Variants in PDE1A observed in about 807,000 individuals in gnomAD.
PDE1A encodes the protein phosphodiesterase 1A.
Under a neutral mutation model 61.7 loss-of-function variants are expected in PDE1A, and 35 were observed. The observed-to-expected ratio is 0.57, with a 90% confidence interval of 0.43 to 0.75. The LOEUF is 0.75. Among genes scored for constraint, PDE1A ranks in the 30% least tolerant of loss-of-function variants. The pLI, the probability that PDE1A is intolerant of heterozygous loss-of-function variation, is 0.00. For synonymous variants in PDE1A, 232 were observed against 213.2 expected (o/e 1.09, Z -0.77); for missense variants, 597 against 630.6 (o/e 0.95, Z 0.57).
downstream of PDE1A, among the ~76,000 whole-genome samples, chr2:182,163,759 A>G (rs983193156): frequency 6.6e-6 from 1 of 152,150 alleles, no homozygotes; most frequent in East Asian, 1.9e-4. Flanking sequence ...GACACAAAAA[A>G]CTGCTAGTTA....
At chr2:182,151,732 G>A (rs960399277) in intron 13 of PDE1A, among the ~76,000 whole-genome samples, 3 of 151,902 alleles carry the variant, frequency 2.0e-5, no homozygotes, top group African/African-American at 7.3e-5. Flanking sequence ...TGTTCTTTTT[G>A]TATTTTTCTA....
chr2:182,201,931 T>C, intron 8 of PDE1A, 142 bp from the exon 9 acceptor site: 1 of 612,192 alleles, frequency 1.6e-6, no homozygotes, highest in Non-Finnish European at 2.9e-6. Flanking sequence ...AATGTGAAAG[T>C]CCACACACAA....
chr2:182,215,060 A>ACTAT (rs1463493919), intron 7 of PDE1A, among the ~76,000 whole-genome samples: 1 of 88,204 alleles, frequency 1.1e-5, no homozygotes, highest in Non-Finnish European at 2.3e-5. Context: ...ATGATAACAA[A>ACTAT]CTATCTCTCA....
At chr2:182,310,810 C>T (rs1346063066) in intron 1 of PDE1A, among the ~76,000 whole-genome samples, 1 of 152,166 alleles carries the variant, frequency 6.6e-6, no homozygotes, top group East Asian at 1.9e-4. Flanking sequence ...TTCTAGGAAC[C>T]CAGCTCAAAC....
intron 1 of PDE1A, among the ~76,000 whole-genome samples, chr2:182,286,075 A>G (rs1000595577): frequency 2.6e-5 from 4 of 152,184 alleles, no homozygotes; most frequent in African/African-American, 7.2e-5. Context: ...GCTTAGCACA[A>G]TGGCATAGTA....
chr2:182,186,329 T>C (rs1685203123), intron 12 of PDE1A, 139 bp downstream of exon 12: 1 of 1,015,836 alleles, frequency 9.8e-7, no homozygotes, highest in Non-Finnish European at 1.5e-6. Context: ...TGCAATATAA[T>C]ATAAAGCCAC....
rs376973958 is a variant in PDE1A at position 182,147,055 on chromosome 2, A to G, written c.*24T>C. On this transcript the variant is annotated 3_prime_UTR_variant, in exon 14 of 14. Coordinates refer to the PDE1A transcript ENST00000409365. ...AATTACCTCTCATGTTTAAAATGAC[A>G]GAAGTCTTTAAGGTGTTTCGGGCCT... The G allele has an allele frequency of 8.1e-6, 12 of 1,481,056 alleles. No homozygotes were observed. In the African/African-American group the frequency reaches 1.1e-4, roughly 14 times the overall value. 91.7% of individuals were successfully genotyped at this position (1,481,056 alleles called of 1,614,324 possible).
intron 6 of PDE1A, 122 bp from the exon 7 acceptor site, chr2:182,224,086 T>C: frequency 1.6e-6 from 1 of 636,524 alleles, no homozygotes; most frequent in Non-Finnish European, 2.7e-6. Flanking sequence ...TCATTTCTTT[T>C]AATTTGTTTC....
chr2:182,437,961 C>T (rs552199391), intron 2 of PDE1A, among the ~76,000 whole-genome samples: 3 of 151,852 alleles, frequency 2.0e-5, no homozygotes, highest in Non-Finnish European at 4.4e-5. Context: ...TGAATGTACA[C>T]ATTGTTTCAG....
chr2:182,192,798 CA>C (rs1191059799), intron 10 of PDE1A, among the ~76,000 whole-genome samples: 2 of 152,072 alleles, frequency 1.3e-5, no homozygotes, highest in African/African-American at 4.8e-5. Context: ...GGAGATCCTT[CA>C]GGTTTCTTCT....
At chr2:182,177,516 G>T (rs1431483079) in intron 13 of PDE1A, among the ~76,000 whole-genome samples, 3 of 152,082 alleles carry the variant, frequency 2.0e-5, no homozygotes, top group African/African-American at 4.8e-5. Flanking sequence ...ATTAAATAGG[G>T]AATCCTTTCC....
the PDE1A span, among the ~76,000 whole-genome samples, chr2:182,701,670 G>A: frequency 2.1e-4 from 32 of 152,004 alleles, no homozygotes; most frequent in Non-Finnish European, 1.5e-5. Context: ...CACTGTGTCC[G>A]GGCTGGCTTG....
chr2:182,246,849 G>T (rs1347298011), intron 2 of PDE1A, among the ~76,000 whole-genome samples: 1 of 152,202 alleles, frequency 6.6e-6, no homozygotes, highest in African/African-American at 2.4e-5. Context: ...TTGGCCTTCT[G>T]TTGTACACTG....
At chr2:182,588,812 G>A in the PDE1A span, among the ~76,000 whole-genome samples, 1 of 152,036 alleles carries the variant, frequency 6.6e-6, no homozygotes, top group African/African-American at 2.4e-5. Context: ...GGGAGGCCGA[G>A]GCAGGCGGAT....
chr2:182,377,164 T>C (rs1409011920), intron 1 of PDE1A, among the ~76,000 whole-genome samples: 2 of 152,222 alleles, frequency 1.3e-5, no homozygotes, highest in Non-Finnish European at 2.9e-5. Flanking sequence ...TGTCGAATTG[T>C]AATCCCCAAT....
chr2:182,204,132 A>C (rs1467021815), intron 8 of PDE1A, among the ~76,000 whole-genome samples: 3 of 67,202 alleles, frequency 4.5e-5, no homozygotes, highest in African/African-American at 1.8e-4. Flanking sequence ...ATTTCTTTGA[A>C]TAACAACAAA....
rs146828148 is a variant in PDE1A, at chr2:182,437,281, G to T, written c.101+84995C>A. ...ATATATATCCCCAACGTACAGAATG[G>T]GTCTCCAACACAAAGGTGTGTCTGT... On this transcript the variant is annotated intron_variant, in intron 2 of 14. Coordinates refer to the PDE1A transcript ENST00000410103. Among the ~76,000 whole-genome samples, 36 of 151,820 alleles carry T rather than the reference G, an allele frequency of 2.4e-4. No homozygotes were observed. The South Asian group carries it at 7.1e-3, about 30-fold the overall frequency.
At chr2:182,204,446 C>T (rs1284102872) in intron 8 of PDE1A, among the ~76,000 whole-genome samples, 1 of 152,100 alleles carries the variant, frequency 6.6e-6, no homozygotes, top group Non-Finnish European at 1.5e-5. Context: ...CATATTTTTT[C>T]CCCTCTGTCA....
At chr2:182,315,156 C>T (rs1429285389) in intron 1 of PDE1A, among the ~76,000 whole-genome samples, 1 of 151,958 alleles carries the variant, frequency 6.6e-6, no homozygotes, top group Admixed American at 6.6e-5. Flanking sequence ...TATTAATATG[C>T]CTTCAGAAAA....
Sources: allele counts gnomAD v4.1 joint callset (sites outside exome capture counted in the v4.1 genomes callset), GRCh38; gene constraint gnomAD v4.1.1; transcripts MANE v1.5; gene names NCBI Gene and HGNC (gene_info 2026-07-23, HGNC 2026-07-21).